The following FLRT2 variants were observed in gnomAD, a reference collection of about 807,000 sequenced individuals.
FLRT2 encodes fibronectin leucine rich transmembrane protein 2.
Under a neutral mutation model 40.0 loss-of-function variants are expected in FLRT2, and 15 were observed. That is an observed-to-expected ratio of 0.38 (90% CI 0.25 to 0.58). The LOEUF is 0.58. Among genes scored for constraint, FLRT2 ranks in the 20% least tolerant of loss-of-function variants. The pLI, the probability that FLRT2 is intolerant of heterozygous loss-of-function variation, is 0.71. For missense variants in FLRT2, 726 were observed against 840.0 expected (o/e 0.86, Z 1.68); for synonymous variants, 380 against 336.8 (o/e 1.13, Z -1.41).
At chr14:85,533,559 T>G (rs2139795037) in intron 1 of FLRT2, among the ~76,000 whole-genome samples, 1 of 152,182 alleles carries the variant, frequency 6.6e-6, no homozygotes. Context: ...TTCTGCCGCC[T>G]TCCCCGCTCG....
intron 1 of FLRT2, among the ~76,000 whole-genome samples, chr14:85,531,592 C>G (rs556236917): frequency 1.5e-4 from 23 of 152,216 alleles, no homozygotes; most frequent in African/African-American, 4.8e-4. Flanking sequence ...GCGTGTGGTG[C>G]TCCTGCCAGC....
In FLRT2 at chr14:85,621,328, G is replaced by C; in HGVS notation, c.-187G>C. ...TGCACATGGAGGACAGCAGCAAAGA[G>C]GGCAACACAGGCTGATAAGACCAGA... is the stretch of plus-strand genomic sequence containing the variant. On this transcript the variant is annotated 5_prime_UTR_variant, in exon 2 of 2. Coordinates refer to ENST00000330753, the MANE Select transcript of FLRT2 (RefSeq NM_013231.6). The C allele has an allele frequency of 1.7e-6, 1 of 605,616 alleles. No individual in the cohort carries two copies. Among genetic ancestry groups the C allele is most frequent in the Non-Finnish European group, 2.8e-6 (1 of 355,012 alleles). 37.5% of individuals were successfully genotyped at this position (605,616 alleles called of 1,614,324 possible). A position where few individuals can be genotyped will look rare whatever the true frequency, so the allele number is the denominator to read the frequency against.
At chr14:85,591,619 G>A (rs1891888254) in intron 1 of FLRT2, among the ~76,000 whole-genome samples, 1 of 152,204 alleles carries the variant, frequency 6.6e-6, no homozygotes, top group African/African-American at 2.4e-5. Context: ...TACAGAGCAG[G>A]TTGTAATTAA....
At chr14:85,543,986 G>T (rs1263401475) in intron 1 of FLRT2, among the ~76,000 whole-genome samples, 1 of 152,166 alleles carries the variant, frequency 6.6e-6, no homozygotes, top group African/African-American at 2.4e-5. Context: ...TGCTAACAGA[G>T]TTGCCCAGTG....
chr14:85,615,980 G>A (rs1893113530), intron 1 of FLRT2, among the ~76,000 whole-genome samples: 1 of 152,172 alleles, frequency 6.6e-6, no homozygotes, highest in South Asian at 2.1e-4. Context: ...GCAGCACTAG[G>A]AGAGAAACAC....
chr14:85,554,292 A>T (rs183780749), intron 1 of FLRT2, among the ~76,000 whole-genome samples: 68 of 152,332 alleles, frequency 4.5e-4, no homozygotes, highest in African/African-American at 1.5e-3. Flanking sequence ...CACAAAATAC[A>T]TTGTAGAAGA....
chr14:85,642,100 T>C lies in FLRT2; in HGVS notation c.*18603T>C, dbSNP rs1230444814. On this transcript the variant is annotated 3_prime_UTR_variant, in exon 2 of 2. Transcript: ENST00000330753. ...CATCTATGATTATCTCCGACACTATTTTATTTCTTACAGTTTCAAGGTTGC... is the reference window on the plus strand; with the variant it reads ...CATCTATGATTATCTCCGACACTATCTTATTTCTTACAGTTTCAAGGTTGC... The C allele has an allele frequency of 6.7e-6, 1 of 148,538 alleles. No individual in the cohort carries two copies. Among genetic ancestry groups the C allele is most frequent in the East Asian group, 2.0e-4 (1 of 5,056 alleles). The allele number at this position is 148,538 out of a possible 1,614,324, so 9.2% of individuals were successfully genotyped here. A position where few individuals can be genotyped will look rare whatever the true frequency, so the allele number is the denominator to read the frequency against.
In FLRT2 at chr14:85,643,923, T is replaced by C. The variant is rs1040018281; in HGVS notation, c.*20426T>C. The C allele has an allele frequency of 1.3e-5, 2 of 152,156 alleles. No individual in the cohort carries two copies. Among genetic ancestry groups the C allele is most frequent in the African/African-American group, 4.8e-5 (2 of 41,434 alleles). The allele number at this position is 152,156 out of a possible 1,614,324, so 9.4% of individuals were successfully genotyped here. A position where few individuals can be genotyped will look rare whatever the true frequency, so the allele number is the denominator to read the frequency against. ...TAGTAGTAGGAAACTGTGTTTAACC[T>C]GTTTTCAAGAATGGATAATTGCTCA... On this transcript the variant is annotated 3_prime_UTR_variant, in exon 2 of 2. Coordinates refer to ENST00000330753, the MANE Select transcript of FLRT2 (RefSeq NM_013231.6).
intron 1 of FLRT2, among the ~76,000 whole-genome samples, chr14:85,611,368 A>T (rs1448006301): frequency 2.0e-5 from 3 of 152,240 alleles, no homozygotes; most frequent in Non-Finnish European, 4.4e-5. Context: ...AATGTTTACC[A>T]AAAACCTTTG....
chr14:85,550,425 T>A (rs1889547962), intron 1 of FLRT2, among the ~76,000 whole-genome samples: 1 of 152,160 alleles, frequency 6.6e-6, no homozygotes, highest in South Asian at 2.1e-4. Flanking sequence ...GGTAAATGAG[T>A]TCACTGTAGA....
rs1224711524 is a variant in FLRT2 at position 85,640,710 on chromosome 14, G to C, written c.*17213G>C. 6.6e-6 allele frequency: 1 copy of C among 152,138 alleles called. No individual in the cohort carries two copies. 9.4% of individuals were successfully genotyped at this position (152,138 alleles called of 1,614,324 possible). A position where few individuals can be genotyped will look rare whatever the true frequency, so the allele number is the denominator to read the frequency against. On this transcript the variant is annotated 3_prime_UTR_variant, in exon 2 of 2. Transcript: ENST00000330753. ...AGGTTCAGTCTTTGCTATTAGAGTC[G>C]AGCATCTCTGCAAAGAGATTTGAGC...
At chr14:85,549,310 G>T (rs1285228458) in intron 1 of FLRT2, among the ~76,000 whole-genome samples, 1 of 152,126 alleles carries the variant, frequency 6.6e-6, no homozygotes, top group South Asian at 2.1e-4. Flanking sequence ...CTGGGGGCTT[G>T]TGGGCAACTC....
chr14:85,566,928 G>A (rs1356300475), intron 1 of FLRT2, among the ~76,000 whole-genome samples: 1 of 152,120 alleles, frequency 6.6e-6, no homozygotes, highest in Non-Finnish European at 1.5e-5. Flanking sequence ...AGAACTTTGA[G>A]GCAGTATTAA....
At chr14:85,574,253 A>C (rs951039009) in intron 1 of FLRT2, among the ~76,000 whole-genome samples, 3 of 151,100 alleles carry the variant, frequency 2.0e-5, no homozygotes, top group African/African-American at 7.3e-5. Context: ...ATATAAATAA[A>C]AAACATATAT....
chr14:85,593,596 G>A (rs1185356078), intron 1 of FLRT2, among the ~76,000 whole-genome samples: 1 of 152,166 alleles, frequency 6.6e-6, no homozygotes, highest in Non-Finnish European at 1.5e-5. Context: ...CAGAGCCAAT[G>A]AATAATGTTT....
In FLRT2 at chr14:85,646,735, G is replaced by T; in HGVS notation, c.*23238G>T. Reference sequence around the variant, plus strand: ...AGGTTCAAGGAATTCTCCTGCCTTAGCCTCTCGAGTAGATGAGATTGCAGG... The same window carrying T: ...AGGTTCAAGGAATTCTCCTGCCTTATCCTCTCGAGTAGATGAGATTGCAGG... On this transcript the variant is annotated 3_prime_UTR_variant, in exon 2 of 2. Coordinates refer to ENST00000330753, the MANE Select transcript of FLRT2 (RefSeq NM_013231.6). 1 of 152,246 alleles carries T rather than the reference G, an allele frequency of 6.6e-6. No homozygotes were observed. 9.4% of individuals were successfully genotyped at this position (152,246 alleles called of 1,614,324 possible). A position where few individuals can be genotyped will look rare whatever the true frequency, so the allele number is the denominator to read the frequency against.
At chr14:85,531,403 C>G (rs1024302033) in intron 1 of FLRT2, among the ~76,000 whole-genome samples, 2 of 152,216 alleles carry the variant, frequency 1.3e-5, no homozygotes, top group African/African-American at 4.8e-5. Context: ...GCCGCGCTGA[C>G]CAGTACGGGG....
chr14:85,567,296 AAGATACCT>A (rs1407997789), intron 1 of FLRT2, among the ~76,000 whole-genome samples: 1 of 152,128 alleles, frequency 6.6e-6, no homozygotes, highest in Non-Finnish European at 1.5e-5. Context: ...AGAAGCTCCA[AAGATACCT>A]GGAATCTCGA....
At chr14:85,541,531 A>C (rs147264279) in intron 1 of FLRT2, among the ~76,000 whole-genome samples, 1 of 152,290 alleles carries the variant, frequency 6.6e-6, no homozygotes, top group East Asian at 1.9e-4. Context: ...CTTAAGTAGA[A>C]AATGGAGGAA....
Sources: gnomAD v4.1 joint callset for allele counts (sites outside exome capture counted in the v4.1 genomes callset) on GRCh38, gnomAD v4.1.1 for gene constraint, MANE v1.5 for transcripts, NCBI Gene and HGNC (gene_info 2026-07-23, HGNC 2026-07-21) for gene names.